Variants in CWF19L2 observed in about 807,000 individuals in gnomAD.
CWF19L2 encodes the protein CWF19-like protein 2.
CWF19L2 carries 98 observed loss-of-function variants against 111.7 expected under a neutral mutation model. That is an observed-to-expected ratio of 0.88 (90% CI 0.75 to 1.04). CWF19L2 has a LOEUF of 1.04. Ranked by LOEUF, CWF19L2 falls within the 50% of genes least tolerant of loss-of-function variation. The pLI is 0.00. For synonymous variants in CWF19L2, 351 were observed against 342.9 expected (o/e 1.02, Z -0.26); for missense variants, 1,101 against 1,051.4 (o/e 1.05, Z -0.65).
At chr11:107,391,671 A>G (rs1008483591) in intron 11 of CWF19L2, among the ~76,000 whole-genome samples, 29 of 152,154 alleles carry the variant, frequency 1.9e-4, no homozygotes, top group Non-Finnish European at 3.1e-4. Flanking sequence ...AAATCTTTCC[A>G]ATGCTGCTCT....
intron 10 of CWF19L2, among the ~76,000 whole-genome samples, chr11:107,393,577 T>A (rs1860879756): frequency 6.6e-6 from 1 of 152,184 alleles, no homozygotes; most frequent in African/African-American, 2.4e-5. Flanking sequence ...AAAAGACACC[T>A]GCACTTGTAT....
chr11:107,419,833 A>G (rs935203764), intron 8 of CWF19L2, among the ~76,000 whole-genome samples: 5 of 152,154 alleles, frequency 3.3e-5, no homozygotes, highest in African/African-American at 1.2e-4. Flanking sequence ...GTAACGGAAG[A>G]TAACTATTTT....
intron 12 of CWF19L2, among the ~76,000 whole-genome samples, chr11:107,388,117 C>G (rs1441382536): frequency 6.6e-6 from 1 of 152,142 alleles, no homozygotes; most frequent in African/African-American, 2.4e-5. Flanking sequence ...GAAACATCAC[C>G]TATATGGAAA....
intron 12 of CWF19L2, among the ~76,000 whole-genome samples, chr11:107,373,065 G>T (rs1179431135): frequency 2.1e-5 from 1 of 46,688 alleles, no homozygotes; most frequent in Non-Finnish European, 4.0e-5. Flanking sequence ...TTTTCAGACC[G>T]GCTTAAAAAA....
At chr11:107,435,817 A>G (rs190723588) in intron 6 of CWF19L2, among the ~76,000 whole-genome samples, 1 of 152,284 alleles carries the variant, frequency 6.6e-6, no homozygotes, top group East Asian at 1.9e-4. Flanking sequence ...TTTAGTCAAT[A>G]TTTATTATGA....
intron 14 of CWF19L2, among the ~76,000 whole-genome samples, chr11:107,340,029 T>A (rs745955720): frequency 2.0e-4 from 30 of 152,186 alleles, no homozygotes; most frequent in Non-Finnish European, 3.5e-4. Context: ...ATTCTTTATA[T>A]ATTCTAGATA....
chr11:107,399,977 A>C (rs1860977377), intron 10 of CWF19L2, among the ~76,000 whole-genome samples: 1 of 152,214 alleles, frequency 6.6e-6, no homozygotes, highest in Non-Finnish European at 1.5e-5. Flanking sequence ...CACTGGGTCA[A>C]AAACAAAATC....
chr11:107,398,014 CAATAGCCTTCA>C (rs985561419), intron 10 of CWF19L2, among the ~76,000 whole-genome samples: 15 of 152,164 alleles, frequency 9.9e-5, no homozygotes, highest in African/African-American at 3.6e-4. Flanking sequence ...AGAATCTAAA[CAATAGCCTTCA>C]AATAGCCTTC....
At chr11:107,390,010 G>A in intron 12 of CWF19L2, 64 bp downstream of exon 12, 1 of 1,389,334 alleles carries the variant, frequency 7.2e-7, no homozygotes, top group Non-Finnish European at 1.0e-6. Flanking sequence ...CCAAAAAGCA[G>A]ATCACTGTTA....
intron 12 of CWF19L2, among the ~76,000 whole-genome samples, chr11:107,374,298 A>T (rs1860562047): frequency 7.7e-6 from 1 of 130,034 alleles, no homozygotes; most frequent in African/African-American, 3.3e-5. Context: ...CGAGAAGAGC[A>T]ACACCAAGAC....
chr11:107,447,557 C>T (rs994982582), intron 3 of CWF19L2, among the ~76,000 whole-genome samples: 1 of 152,220 alleles, frequency 6.6e-6, no homozygotes, highest in African/African-American at 2.4e-5. Flanking sequence ...CCACAAAGGT[C>T]ATGCCTTAGT....
chr11:107,436,004 A>T (rs1047326223), intron 6 of CWF19L2, among the ~76,000 whole-genome samples: 7 of 151,962 alleles, frequency 4.6e-5, no homozygotes, highest in African/African-American at 1.7e-4. Flanking sequence ...AAATACAAAA[A>T]TTAGCTGGGT....
chr11:107,368,116 A>AC (rs199682425), intron 12 of CWF19L2, among the ~76,000 whole-genome samples: 3,716 of 47,932 alleles, frequency 0.078, 426 homozygotes, highest in Non-Finnish European at 0.086. Context: ...ATAAATTGAG[A>AC]CCCCCCCCCA....
At chr11:107,375,478 C>T (rs1205271154) in intron 12 of CWF19L2, among the ~76,000 whole-genome samples, 8 of 138,244 alleles carry the variant, frequency 5.8e-5, no homozygotes, top group Non-Finnish European at 7.8e-5. Context: ...CACTCAAAAC[C>T]GCTCAACTAC....
chr11:107,389,594 G>A lies in CWF19L2; in HGVS notation c.1872+480C>T, dbSNP rs544646674. 1.6e-4 allele frequency among the ~76,000 whole-genome samples: 25 copies of A among 152,170 alleles called. No homozygotes were observed. In the South Asian group the frequency reaches 3.5e-3, roughly 21 times the overall value. ...AAAAATTCATCCTACCCATAATGACGTGTTAAAATAATATATATTTTCATA... is the reference window on the plus strand; with the variant it reads ...AAAAATTCATCCTACCCATAATGACATGTTAAAATAATATATATTTTCATA... On this transcript the variant is annotated intron_variant, in intron 12 of 17. Coordinates refer to ENST00000282251, the MANE Select transcript of CWF19L2 (RefSeq NM_152434.3).
chr11:107,426,568 A>G (rs189926876), intron 8 of CWF19L2, among the ~76,000 whole-genome samples: 32 of 152,044 alleles, frequency 2.1e-4, no homozygotes, highest in East Asian at 1.3e-3. Context: ...CTAAAATTCC[A>G]TCAATAGGAA....
At chr11:107,432,038 G>C (rs538462551) in intron 7 of CWF19L2, among the ~76,000 whole-genome samples, 36 of 152,164 alleles carry the variant, frequency 2.4e-4, no homozygotes, top group African/African-American at 8.2e-4. Context: ...GGGTGGGGAA[G>C]GCCTGTCAAT....
chr11:107,395,133 A>G (rs1860904182), intron 10 of CWF19L2, among the ~76,000 whole-genome samples: 1 of 152,002 alleles, frequency 6.6e-6, no homozygotes, highest in South Asian at 2.1e-4. Flanking sequence ...CCGGTGGGAG[A>G]TGACTGAATC....
At chr11:107,397,475 T>C (rs1860941049) in intron 10 of CWF19L2, among the ~76,000 whole-genome samples, 1 of 152,092 alleles carries the variant, frequency 6.6e-6, no homozygotes, top group Admixed American at 6.5e-5. Context: ...TCTAGTGACC[T>C]GGGAATCTCA....
Sources: gnomAD v4.1 joint callset for allele counts (sites outside exome capture counted in the v4.1 genomes callset) on GRCh38, gnomAD v4.1.1 for gene constraint, MANE v1.5 for transcripts, NCBI Gene and HGNC (gene_info 2026-07-23, HGNC 2026-07-21) for gene names.